The following PDCD11 variants were observed in gnomAD, a reference collection of about 807,000 sequenced individuals.
PDCD11 encodes protein RRP5 homolog.
Under a neutral mutation model 198.9 loss-of-function variants are expected in PDCD11, and 97 were observed. The ratio of observed to expected loss-of-function variants is 0.49; its 90% CI spans 0.41 to 0.58. The LOEUF is 0.58. Ranked by LOEUF, PDCD11 falls within the 20% of genes least tolerant of loss-of-function variation. The pLI is 0.00. For missense variants in PDCD11, 2,102 were observed against 2,312.7 expected (o/e 0.91, Z 1.87); for synonymous variants, 893 against 918.0 (o/e 0.97, Z 0.49).
Position 103,432,232 on chromosome 10 carries a change from AAAGT to A in PDCD11, c.3474+4_3474+7del. ...CCAGACTGTTACTTGCTTCTTAAAG[AAAGT>A]AAGTAGTTTTGCCACTCGGCAATGA... is the stretch of plus-strand genomic sequence containing the variant. On this transcript the variant is annotated splice_donor_variant and coding_sequence_variant, in exon 22 of 36. Coordinates refer to ENST00000369797, the MANE Select transcript of PDCD11 (RefSeq NM_014976.2). LOFTEE classifies it high-confidence loss of function. 6.3e-7 allele frequency: 1 copy of A among 1,599,650 alleles called. No individual in the cohort carries two copies. The highest frequency in any genetic ancestry group is 1.3e-5 in the African/African-American group (1 of 74,774).
Position 103,434,840 on chromosome 10 carries a change from T to A in PDCD11, c.3710T>A (p.Val1237Glu). The A allele has an allele frequency of 6.2e-7, 1 of 1,612,044 alleles. No homozygotes were observed. The highest frequency in any genetic ancestry group is 8.5e-7 in the Non-Finnish European group (1 of 1,179,178). The change falls in exon 25 of 36, where the codon GTG becomes GAG. Residue 1237 changes from valine to glutamate, a missense_variant. Coordinates refer to ENST00000369797, the MANE Select transcript of PDCD11 (RefSeq NM_014976.2). ...LEEGEVAMGR[V>E]VKVTPNEGLT... ...GAAGGGGAAGTGGCCATGGGCCGAG[T>A]GGTGAAGGTGACTCCCAACGAGGGG...
chr10:103,431,943 C>T (rs1350130499), intron 21 of PDCD11, among the ~76,000 whole-genome samples, 186 bp from the exon 22 acceptor site: 2 of 152,128 alleles, frequency 1.3e-5, no homozygotes, highest in Admixed American at 6.6e-5. Context: ...ATGAATGAAA[C>T]GGAAAAGATT....
intron 35 of PDCD11, 90 bp downstream of exon 35, chr10:103,444,772 T>G: frequency 8.0e-7 from 1 of 1,252,462 alleles, no homozygotes; most frequent in Non-Finnish European, 1.1e-6. Context: ...CCCAGTTCTC[T>G]TACTTGATCT....
chr10:103,434,406 A>T (rs896932920), intron 24 of PDCD11, 56 bp downstream of exon 24: 92 of 1,134,132 alleles, frequency 8.1e-5, no homozygotes, highest in Middle Eastern at 2.0e-4. Flanking sequence ...AAGGGGTGGG[A>T]TGGGTTTTCA....
intron 33 of PDCD11, 51 bp from the exon 34 acceptor site, chr10:103,443,864 T>C (rs760210144): frequency 5.7e-6 from 9 of 1,577,188 alleles, no homozygotes; most frequent in Non-Finnish European, 5.2e-6. Context: ...GTCTGTCTTG[T>C]CCCCTCTGTA....
In PDCD11 at chr10:103,400,986, C is replaced by T. The variant is rs570766682; in HGVS notation, c.234+458C>T. On this transcript the variant is annotated intron_variant, in intron 3 of 35. Transcript: ENST00000369797. ...CCCAGGTTGGTCTCGAACTCCTGTG[C>T]TCAAGCAATCCTCCTGCCTCAACCT... Among the ~76,000 whole-genome samples, 29 of 152,286 alleles carry T rather than the reference C, an allele frequency of 1.9e-4. No homozygotes were observed. The South Asian group carries it at 5.8e-3, about 30-fold the overall frequency.
At position 103,406,683 on chromosome 10, in the gene PDCD11, C is replaced by T. The variant is rs1183882440; in HGVS notation, c.763C>T (p.Leu255=). Residue 255 remains leucine, a synonymous_variant, in exon 7 of 36, where the codon CTG becomes TTG. Transcript: ENST00000369797. ...KVKGNGGVVS[L]SVGHSEVSTA... The stretch of plus-strand genomic sequence containing the variant: ...GAAAGGCAACGGAGGAGTTGTTAGT[C>T]TGTCTGTTGGTCACTCAGAGGTTTC... 1 of 1,614,004 alleles carries T rather than the reference C, an allele frequency of 6.2e-7. No homozygotes were observed. The highest frequency in any genetic ancestry group is 1.3e-5 in the African/African-American group (1 of 74,918).
rs1319458584 is a variant in PDCD11 at position 103,400,827 on chromosome 10, T to G, written c.234+299T>G. 2.0e-5 allele frequency among the ~76,000 whole-genome samples: 3 copies of G among 152,138 alleles called. No individual in the cohort carries two copies. In the East Asian group the frequency reaches 5.8e-4, roughly 29 times the overall value. ...AATGCAGGCATGATCATAGCTCACT[T>G]TAGTCTTGAACTCCTGGGCTCAAGC... On this transcript the variant is annotated intron_variant, in intron 3 of 35. Transcript: ENST00000369797.
In PDCD11 at chr10:103,445,791, G is replaced by A. The variant is rs2032584757; in HGVS notation, c.*242G>A. On this transcript the variant is annotated 3_prime_UTR_variant, in exon 36 of 36. Coordinates refer to ENST00000369797, the MANE Select transcript of PDCD11 (RefSeq NM_014976.2). The stretch of plus-strand genomic sequence containing the variant: ...CCTTATCTGAGGCTACCTGGGGATT[G>A]TGGGCAGCAGGCCCCTGGACTCCCA... The A allele has an allele frequency of 2.2e-6, 1 of 450,498 alleles. No homozygotes were observed. Among genetic ancestry groups the A allele is most frequent in the South Asian group, 2.8e-5 (1 of 36,262 alleles). 27.9% of individuals were successfully genotyped at this position (450,498 alleles called of 1,614,324 possible). A position where few individuals can be genotyped will look rare whatever the true frequency, so the allele number is the denominator to read the frequency against.
rs146721855 is a variant in PDCD11, at chr10:103,434,011, T to C, written c.3538T>C (p.Leu1180=). 105 of 1,613,764 alleles carry C rather than the reference T, an allele frequency of 6.5e-5. No individual in the cohort carries two copies. Among genetic ancestry groups the C allele is most frequent in the Non-Finnish European group, 8.2e-5 (97 of 1,179,728 alleles). ...IAPDIRGRIP[L]LLTSLSFKVL... ...CCCAGACATCCGGGGGAGAATTCCC[T>C]TATTGCTCACTTCTCTGAGCTTCAA... is the stretch of plus-strand genomic sequence containing the variant. The change falls in exon 23 of 36, where the codon TTA becomes CTA. Residue 1180 remains leucine, a synonymous_variant. Coordinates refer to ENST00000369797, the MANE Select transcript of PDCD11 (RefSeq NM_014976.2).
intron 8 of PDCD11, among the ~76,000 whole-genome samples, chr10:103,410,103 C>T (rs907634681): frequency 2.6e-5 from 4 of 152,038 alleles, no homozygotes; most frequent in African/African-American, 4.8e-5. Context: ...GGCGTGGTGG[C>T]GCATGCCTGT....
At chr10:103,425,647 G>A (rs2031663507) in intron 20 of PDCD11, 122 bp downstream of exon 20, 2 of 755,002 alleles carry the variant, frequency 2.6e-6, no homozygotes, top group East Asian at 5.2e-5. Context: ...GTTAACAAAA[G>A]GCATTCACCA....
chr10:103,417,253 C>T (rs1592124158), intron 13 of PDCD11, among the ~76,000 whole-genome samples: 1 of 152,122 alleles, frequency 6.6e-6, no homozygotes, highest in East Asian at 1.9e-4. Flanking sequence ...CTCACTGCAA[C>T]CTCCACCTCC....
rs777585458 is a variant in PDCD11, at chr10:103,413,993, G to T, written c.1213G>T (p.Val405Phe). 7 of 1,612,772 alleles carry T rather than the reference G, an allele frequency of 4.3e-6. No individual in the cohort carries two copies. Among genetic ancestry groups the T allele is most frequent in the Non-Finnish European group, 5.1e-6 (6 of 1,179,510 alleles). ...CAGCCATCTCTCTGATTCTAAGAAC[G>T]TCTTCAATCCTGAGGCCTTCAAGCC... Reference protein sequence around the residue: ...RLSHLSDSKNVFNPEAFKPGN... With the variant: ...RLSHLSDSKNFFNPEAFKPGN... Residue 405 changes from valine (V) to phenylalanine (F), a missense_variant, in exon 10 of 36, where the codon GTC becomes TTC. Transcript: ENST00000369797.
intron 4 of PDCD11, 134 bp from the exon 5 acceptor site, chr10:103,404,888 G>T (rs1212847193): frequency 1.4e-6 from 1 of 689,778 alleles, no homozygotes; most frequent in Non-Finnish European, 2.4e-6. Flanking sequence ...CTTTGTGGAT[G>T]GGGGGTTATT....
Position 103,434,349 on chromosome 10 carries a change from A to C in PDCD11, c.3666A>C (p.Thr1222=). ...SSKTLLCLSL[T]GPHKLEEGEV... is the part of the protein sequence containing the mutation. ...AGACCCTCTTATGTCTGTCCCTCAC[A>C]GGTGTGGGGATGAAACAGTGCCTGG... Residue 1222 remains threonine, a splice_region_variant and synonymous_variant, in exon 24 of 36, where the codon ACA becomes ACC. Transcript: ENST00000369797. 1 of 1,580,840 alleles carries C rather than the reference A, an allele frequency of 6.3e-7. No individual in the cohort carries two copies. The highest frequency in any genetic ancestry group is 8.7e-7 in the Non-Finnish European group (1 of 1,150,072).
intron 12 of PDCD11, among the ~76,000 whole-genome samples, chr10:103,415,559 C>T (rs1482106058): frequency 6.6e-6 from 1 of 152,198 alleles, no homozygotes; most frequent in East Asian, 1.9e-4. Context: ...TTCATTTAAT[C>T]CTTGAAACAA....
chr10:103,407,104 A>G (rs2030501530), intron 7 of PDCD11, among the ~76,000 whole-genome samples: 1 of 152,240 alleles, frequency 6.6e-6, no homozygotes, highest in East Asian at 1.9e-4. Flanking sequence ...AAATGGAATT[A>G]AAAGGTTTAT....
chr10:103,404,277 T>C (rs1216332716), intron 4 of PDCD11, among the ~76,000 whole-genome samples: 1 of 146,212 alleles, frequency 6.8e-6, no homozygotes, highest in Non-Finnish European at 1.5e-5. Context: ...GTGTGAGCCA[T>C]CATGCCTGAC....
Sources: gnomAD v4.1 joint callset for allele counts (sites outside exome capture counted in the v4.1 genomes callset) on GRCh38, gnomAD v4.1.1 for gene constraint, MANE v1.5 for transcripts, NCBI Gene and HGNC (gene_info 2026-07-23, HGNC 2026-07-21) for gene names.